Variants in CNTLN observed in about 807,000 individuals in gnomAD.
CNTLN encodes the protein centlein, also known as centlein, centrosomal protein.
CNTLN carries 212 observed loss-of-function variants against 180.0 expected under a neutral mutation model. That is an observed-to-expected ratio of 1.18 (90% CI 1.05 to 1.32). CNTLN has a LOEUF of 1.32. Ranked by LOEUF, CNTLN falls within the 40% of genes most tolerant of loss-of-function variation. CNTLN has a pLI of 0.00. For synonymous variants in CNTLN, 722 were observed against 563.1 expected (o/e 1.28, Z -3.99); for missense variants, 2,095 against 1,610.9 (o/e 1.30, Z -5.14).
chr9:17,390,186 TC>T (rs1799682548), intron 14 of CNTLN, among the ~76,000 whole-genome samples: 2 of 151,012 alleles, frequency 1.3e-5, no homozygotes, highest in African/African-American at 4.9e-5. Context: ...TACACACATT[TC>T]ATAGCTTCAT....
intron 1 of CNTLN, among the ~76,000 whole-genome samples, chr9:17,142,498 C>G (rs902833254): frequency 6.6e-6 from 1 of 151,908 alleles, no homozygotes; most frequent in African/African-American, 2.4e-5. Context: ...ATTAGATTTT[C>G]AAGTGGAATT....
intron 5 of CNTLN, among the ~76,000 whole-genome samples, chr9:17,244,635 T>A (rs919328782): frequency 4.6e-5 from 7 of 152,194 alleles, no homozygotes; most frequent in Admixed American, 1.3e-4. Context: ...TTCATTTACC[T>A]GTAGCATTAT....
chr9:17,214,500 T>C (rs898957800), intron 2 of CNTLN, among the ~76,000 whole-genome samples: 7 of 152,188 alleles, frequency 4.6e-5, no homozygotes, highest in Admixed American at 4.6e-4. Flanking sequence ...TTTTCCGTCA[T>C]TTCAACTTTG....
At chr9:17,308,951 C>T in intron 7 of CNTLN, 107 bp from the exon 8 acceptor site, 2 of 561,958 alleles carry the variant, frequency 3.6e-6, no homozygotes, top group Non-Finnish European at 5.4e-6. Context: ...AGGGCAAGAA[C>T]TGTGTTTATA....
chr9:17,153,043 A>G (rs528339423), intron 2 of CNTLN, among the ~76,000 whole-genome samples: 4 of 152,208 alleles, frequency 2.6e-5, no homozygotes, highest in South Asian at 4.2e-4. Context: ...TTTTGAGCCT[A>G]TGTGTGTCTT....
In CNTLN at chr9:17,394,546, G is replaced by T; in HGVS notation, c.2092G>T (p.Glu698Ter). The change falls in exon 15 of 26, where the codon GAA (glutamate) becomes TAA (stop). Residue 698 changes from glutamate (E) to a stop codon, truncating the protein, a stop_gained. Transcript: ENST00000380647. LOFTEE classifies it high-confidence loss of function. ...CTCTTTCCTTTAGGTCACTGAGTTGGAAAATCGGCTGAAATCTTTTGAGAA... is the reference window on the plus strand; with the variant it reads ...CTCTTTCCTTTAGGTCACTGAGTTGTAAAATCGGCTGAAATCTTTTGAGAA... Reference protein sequence around the residue: ...EQTLQKVTELENRLKSFEKRS... With the variant: ...EQTLQKVTEL 6.4e-7 allele frequency: 1 copy of T among 1,574,764 alleles called. No individual in the cohort carries two copies. The highest frequency in any genetic ancestry group is 1.2e-5 in the South Asian group (1 of 83,544).
chr9:17,159,017 G>A (rs117131093), intron 2 of CNTLN, among the ~76,000 whole-genome samples: 254 of 151,978 alleles, frequency 1.7e-3, no homozygotes, highest in Non-Finnish European at 2.6e-3. Flanking sequence ...GCTGCATTTC[G>A]TAAGTTGTTA....
intron 5 of CNTLN, among the ~76,000 whole-genome samples, chr9:17,269,898 T>C (rs1210489851): frequency 6.6e-6 from 1 of 152,178 alleles, no homozygotes; most frequent in South Asian, 2.1e-4. Flanking sequence ...TATAATTATA[T>C]TGTACATTTG....
intron 13 of CNTLN, among the ~76,000 whole-genome samples, chr9:17,381,670 C>G (rs1190516610): frequency 1.3e-5 from 2 of 152,200 alleles, no homozygotes; most frequent in Non-Finnish European, 2.9e-5. Context: ...GCAGAATAAA[C>G]AACCACAAAG....
At chr9:17,224,475 C>T (rs1489231986) in intron 2 of CNTLN, among the ~76,000 whole-genome samples, 1 of 151,968 alleles carries the variant, frequency 6.6e-6, no homozygotes, top group Admixed American at 6.6e-5. Flanking sequence ...ATAGTTATTA[C>T]TTCTGGAATG....
intron 2 of CNTLN, among the ~76,000 whole-genome samples, chr9:17,207,324 C>A (rs530516377): frequency 6.6e-6 from 1 of 152,142 alleles, no homozygotes; most frequent in Non-Finnish European, 1.5e-5. Flanking sequence ...TCTTCCCTTG[C>A]GCGTTTCCCA....
chr9:17,475,841 C>G (rs1198566395), intron 23 of CNTLN, among the ~76,000 whole-genome samples: 1 of 147,588 alleles, frequency 6.8e-6, no homozygotes, highest in African/African-American at 2.5e-5. Context: ...CCACTGCACT[C>G]CAGCCTGGGT....
At chr9:17,153,764 C>T (rs1819063183) in intron 2 of CNTLN, among the ~76,000 whole-genome samples, 1 of 152,124 alleles carries the variant, frequency 6.6e-6, no homozygotes, top group South Asian at 2.1e-4. Context: ...AACTCGGTTC[C>T]ATTCTCTCCG....
intron 2 of CNTLN, among the ~76,000 whole-genome samples, chr9:17,204,403 T>A (rs1446353994): frequency 6.6e-6 from 1 of 152,154 alleles, no homozygotes; most frequent in Non-Finnish European, 1.5e-5. Flanking sequence ...GTTGATGTCA[T>A]TGCTTTCTGT....
At chr9:17,149,387 C>T (rs533192220) in intron 2 of CNTLN, among the ~76,000 whole-genome samples, 43 of 152,152 alleles carry the variant, frequency 2.8e-4, no homozygotes, top group African/African-American at 5.5e-4. Context: ...CTTGAGGAAT[C>T]GCCACACTAT....
At chr9:17,522,782 T>TATCCAACCTTG in the CNTLN span, among the ~76,000 whole-genome samples, 1 of 151,664 alleles carries the variant, frequency 6.6e-6, no homozygotes, top group Non-Finnish European at 1.5e-5. Flanking sequence ...TTCCAAGGAT[T>TATCCAACCTTG]GATGCCCAAG....
intron 2 of CNTLN, among the ~76,000 whole-genome samples, chr9:17,198,173 T>A (rs1031644848): frequency 6.6e-6 from 1 of 152,188 alleles, no homozygotes; most frequent in Non-Finnish European, 1.5e-5. Context: ...ATATGATCCA[T>A]CCAGTTTAGT....
intron 3 of CNTLN, among the ~76,000 whole-genome samples, chr9:17,233,413 C>T (rs572214969): frequency 6.6e-6 from 1 of 152,148 alleles, no homozygotes; most frequent in South Asian, 2.1e-4. Context: ...ACTGTAGTTT[C>T]ATTGCTAAGA....
chr9:17,369,815 T>A (rs1393728434), intron 13 of CNTLN, among the ~76,000 whole-genome samples: 1 of 151,634 alleles, frequency 6.6e-6, no homozygotes, highest in Non-Finnish European at 1.5e-5. Context: ...GGTGGAACCC[T>A]GTCTCTACTA....
Sources: gnomAD v4.1 joint callset for allele counts (sites outside exome capture counted in the v4.1 genomes callset) on GRCh38, gnomAD v4.1.1 for gene constraint, MANE v1.5 for transcripts, NCBI Gene and HGNC (gene_info 2026-07-23, HGNC 2026-07-21) for gene names.